The following TAFA5 variants were observed in gnomAD, a reference collection of about 807,000 sequenced individuals.
TAFA5 encodes the protein TAFA chemokine like family member 5.
A neutral mutation model predicts 15.3 loss-of-function variants in TAFA5; 6 were observed. The observed-to-expected ratio is 0.39, with a 90% CI of 0.21 to 0.77. The LOEUF (loss-of-function observed/expected upper bound fraction) is 0.77. Ranked by LOEUF, TAFA5 falls within the 30% of genes least tolerant of loss-of-function variation. The pLI is 0.41. For synonymous variants in TAFA5, 103 were observed against 80.7 expected (o/e 1.28, Z -1.48); for missense variants, 161 against 193.1 (o/e 0.83, Z 0.98).
At chr22:48,599,816 G>A (rs1025465804) in intron 1 of TAFA5, among the ~76,000 whole-genome samples, 2 of 152,220 alleles carry the variant, frequency 1.3e-5, no homozygotes, top group Non-Finnish European at 2.9e-5. Flanking sequence ...GCTATGTGGG[G>A]GGTTGAGCAG....
intron 1 of TAFA5, among the ~76,000 whole-genome samples, chr22:48,554,766 C>T (rs1922972279): frequency 6.6e-6 from 1 of 152,212 alleles, no homozygotes; most frequent in African/African-American, 2.4e-5. Context: ...AGATTCTCTG[C>T]AGACCTATAA....
chr22:48,535,167 G>A (rs1430354320), intron 1 of TAFA5, among the ~76,000 whole-genome samples: 1 of 152,178 alleles, frequency 6.6e-6, no homozygotes, highest in East Asian at 1.9e-4. Context: ...TGTCTTTCCA[G>A]GGGAGGTGGA....
intron 1 of TAFA5, among the ~76,000 whole-genome samples, chr22:48,637,529 C>T (rs540671631): frequency 5.3e-5 from 8 of 152,292 alleles, no homozygotes; most frequent in Non-Finnish European, 8.8e-5. Context: ...AATTGATGTG[C>T]GGAGCCAGCG....
At chr22:48,542,232 G>C (rs968812245) in intron 1 of TAFA5, among the ~76,000 whole-genome samples, 64 of 139,714 alleles carry the variant, frequency 4.6e-4, no homozygotes, top group African/African-American at 1.7e-3. Context: ...TGTGTGTGCT[G>C]TGTGTGTGTG....
At chr22:48,690,960 C>G (rs1048906316) in intron 2 of TAFA5, among the ~76,000 whole-genome samples, 1 of 152,030 alleles carries the variant, frequency 6.6e-6, no homozygotes, top group Non-Finnish European at 1.5e-5. Flanking sequence ...GTCCAGAGAG[C>G]GCCCACAGCA....
chr22:48,574,886 A>G (rs969776317), intron 1 of TAFA5, among the ~76,000 whole-genome samples: 40 of 152,170 alleles, frequency 2.6e-4, no homozygotes. Context: ...TAGAGGCGGG[A>G]AGGGAGGCAG....
chr22:48,621,971 C>T (rs950607545), intron 1 of TAFA5, among the ~76,000 whole-genome samples: 1 of 152,086 alleles, frequency 6.6e-6, no homozygotes, highest in East Asian at 1.9e-4. Context: ...TTTGGGCTCT[C>T]GCTGGCTAGT....
At chr22:48,676,290 G>A (rs1035588082) in intron 2 of TAFA5, among the ~76,000 whole-genome samples, 2 of 152,244 alleles carry the variant, frequency 1.3e-5, no homozygotes, top group African/African-American at 4.8e-5. Context: ...AGTGGCCACA[G>A]GTGGGAGGAC....
At chr22:48,571,611 T>A (rs1256589130) in intron 1 of TAFA5, among the ~76,000 whole-genome samples, 3 of 135,266 alleles carry the variant, frequency 2.2e-5, no homozygotes, top group Non-Finnish European at 3.1e-5. Flanking sequence ...TTTTTTGCTT[T>A]AAAAAAAAAT....
At chr22:48,643,296 C>G (rs1265307889) in intron 1 of TAFA5, among the ~76,000 whole-genome samples, 1 of 152,216 alleles carries the variant, frequency 6.6e-6, no homozygotes, top group African/African-American at 2.4e-5. Context: ...CCTGATGCCT[C>G]CTCTGGGAAG....
At chr22:48,532,049 G>C (rs1921992900) in intron 1 of TAFA5, among the ~76,000 whole-genome samples, 1 of 152,220 alleles carries the variant, frequency 6.6e-6, no homozygotes, top group African/African-American at 2.4e-5. Context: ...AGGAAGGTGG[G>C]TGGCTCTCTC....
chr22:48,618,832 C>T (rs1925707066), intron 1 of TAFA5, among the ~76,000 whole-genome samples: 1 of 152,304 alleles, frequency 6.6e-6, no homozygotes, highest in East Asian at 1.9e-4. Flanking sequence ...TGCTTCACAC[C>T]CATTCTTGTC....
At chr22:48,592,515 C>A (rs1023467200) in intron 1 of TAFA5, among the ~76,000 whole-genome samples, 4 of 152,214 alleles carry the variant, frequency 2.6e-5, no homozygotes, top group Non-Finnish European at 5.9e-5. Context: ...TCTCTTCCCC[C>A]TCCTGCTGTC....
intron 2 of TAFA5, among the ~76,000 whole-genome samples, chr22:48,700,570 G>A (rs1928873628): frequency 1.3e-5 from 2 of 150,866 alleles, no homozygotes; most frequent in Non-Finnish European, 2.9e-5. Flanking sequence ...AAGCGGGCCT[G>A]GGTTTCTTCT....
rs1922825252 is a variant in TAFA5, at chr22:48,550,697, A to T, written c.112+60993A>T. Reference sequence around the variant, plus strand: ...GGTGAGGTGGCTTGCCTGGGACCACACAGTGGTTGGGTGTGGAGTCCGGAC... The same window carrying T: ...GGTGAGGTGGCTTGCCTGGGACCACTCAGTGGTTGGGTGTGGAGTCCGGAC... On this transcript the variant is annotated intron_variant, in intron 1 of 3. Transcript: ENST00000402357. The surrounding 1 kb of genome is among the most constrained non-coding windows in gnomAD (Gnocchi z 4.1). Among the ~76,000 whole-genome samples the T allele has an allele frequency of 6.6e-6, 1 of 152,044 alleles. No homozygotes were observed. The highest frequency in any genetic ancestry group is 1.5e-5 in the Non-Finnish European group (1 of 68,008).
intron 3 of TAFA5, among the ~76,000 whole-genome samples, chr22:48,713,037 A>G (rs192385675): frequency 6.6e-6 from 1 of 152,228 alleles, no homozygotes; most frequent in East Asian, 1.9e-4. Flanking sequence ...TATGTATTGC[A>G]AGATACTTGT....
At chr22:48,562,299 G>A (rs1193576523) in intron 1 of TAFA5, among the ~76,000 whole-genome samples, 4 of 152,114 alleles carry the variant, frequency 2.6e-5, no homozygotes, top group Non-Finnish European at 4.4e-5. Flanking sequence ...CACTATGCCC[G>A]GCTAATTTTT....
rs562651096 is a variant in TAFA5, at chr22:48,639,921, C to T, written c.113-6676C>T. Reference sequence around the variant, plus strand: ...CATTGCTCTCCCCCTCATCCACAGGCCCCAAATCGTGACCGCACCCCCCCA... The same window carrying T: ...CATTGCTCTCCCCCTCATCCACAGGTCCCAAATCGTGACCGCACCCCCCCA... On this transcript the variant is annotated intron_variant, in intron 1 of 3. Coordinates refer to ENST00000402357, the MANE Select transcript of TAFA5 (RefSeq NM_001082967.3). Among the ~76,000 whole-genome samples, 9 of 152,230 alleles carry T rather than the reference C, an allele frequency of 5.9e-5. No individual in the cohort carries two copies. In the East Asian group the frequency reaches 1.4e-3, roughly 23 times the overall value.
At position 48,693,417 on chromosome 22, in the gene TAFA5, C is replaced by T. The variant is rs188753554; in HGVS notation, c.263-14300C>T. On this transcript the variant is annotated intron_variant, in intron 2 of 3. Coordinates refer to ENST00000402357, the MANE Select transcript of TAFA5 (RefSeq NM_001082967.3). Reference sequence around the variant, plus strand: ...GATCCGTGCGCGTCATAGTGCAGCCCGTGCAGGCAGTAAAGGAGGGACTGC... The same window carrying T: ...GATCCGTGCGCGTCATAGTGCAGCCTGTGCAGGCAGTAAAGGAGGGACTGC... 7.6e-5 allele frequency: 123 copies of T among 1,611,644 alleles called. No individual in the cohort carries two copies. The African/African-American group carries it at 8.5e-4, about 11-fold the overall frequency.
Sources: allele counts gnomAD v4.1 joint callset (sites outside exome capture counted in the v4.1 genomes callset), GRCh38; gene constraint gnomAD v4.1.1; non-coding constraint Gnocchi (gnomAD v3.1); transcripts MANE v1.5; gene names NCBI Gene and HGNC (gene_info 2026-07-23, HGNC 2026-07-21).